CPS1: variants seen among roughly 807,000 people sequenced by gnomAD.
CPS1 encodes carbamoyl-phosphate synthase 1, also known as carbamoyl-phosphate synthase [ammonia], mitochondrial.
A neutral mutation model predicts 174.6 loss-of-function variants in CPS1; 109 were observed. That is an observed-to-expected ratio of 0.62 (90% CI 0.53 to 0.73). The LOEUF (loss-of-function observed/expected upper bound fraction) is 0.73, where lower values mean the gene tolerates loss of function less well. Ranked by LOEUF, CPS1 falls within the 30% of genes least tolerant of loss-of-function variation. The pLI, the probability that CPS1 is intolerant of heterozygous loss-of-function variation, is 0.00. For synonymous variants in CPS1, 637 were observed against 632.0 expected, an observed-to-expected ratio of 1.01 and a Z score of -0.12; for missense variants, 1,689 against 1,821.9, an observed-to-expected ratio of 0.93 and a Z score of 1.33.
rs6760497 is a variant in CPS1 at position 210,591,229 on chromosome 2, A to G, written c.947+323A>G. On this transcript the variant is annotated intron_variant, in intron 9 of 37. Transcript: ENST00000233072. ...TTCCCTTGGCATAAATTGAGGTTAT[A>G]ATACTCAATCAAATGATATTCCAAG... Among the ~76,000 whole-genome samples, 57,119 of 151,742 alleles carry G rather than the reference A, an allele frequency of 0.38. 11,807 individuals carry two copies. The highest frequency in any genetic ancestry group is 0.54 in the Middle Eastern group (159 of 294).
At chr2:210,591,069 TA>T (rs1303903774) in intron 9 of CPS1, among the ~76,000 whole-genome samples, 163 bp downstream of exon 9, 3 of 150,386 alleles carry the variant, frequency 2.0e-5, no homozygotes, top group African/African-American at 7.4e-5. Context: ...AATAAATAAA[TA>T]AAATAAAAAA....
chr2:210,590,285 C>A (rs13396451), intron 8 of CPS1, 51 bp downstream of exon 8: 1 of 1,610,446 alleles, frequency 6.2e-7, no homozygotes. Context: ...TGGGGGCTTC[C>A]GCTCTATACC....
At chr2:210,623,448 C>A (rs1699599936) in intron 21 of CPS1, among the ~76,000 whole-genome samples, 1 of 151,774 alleles carries the variant, frequency 6.6e-6, no homozygotes, top group Non-Finnish European at 1.5e-5. Context: ...TATCTTCACT[C>A]TAATAACTTT....
chr2:210,477,937 T>C (rs1181302761), intron 1 of CPS1, among the ~76,000 whole-genome samples: 3 of 152,248 alleles, frequency 2.0e-5, no homozygotes, highest in Admixed American at 2.0e-4. Flanking sequence ...ATATTACTGT[T>C]GTTAAGCAAG....
chr2:210,598,194 G>C (rs1485094923), intron 13 of CPS1, among the ~76,000 whole-genome samples: 1 of 151,698 alleles, frequency 6.6e-6, no homozygotes, highest in African/African-American at 2.4e-5. Context: ...CACCAGACTA[G>C]CCTTACAAAA....
rs1574651303 is a variant in CPS1 at position 210,658,112 on chromosome 2, C to G, written c.3667-487C>G. ...CTTCCCTGCAGGGAAACACTGTTTCCTTCTGAACATAATATCTAACCTTGT... is the reference window on the plus strand; with the variant it reads ...CTTCCCTGCAGGGAAACACTGTTTCGTTCTGAACATAATATCTAACCTTGT... On this transcript the variant is annotated intron_variant, in intron 30 of 37. Transcript: ENST00000233072. 1.7e-5 allele frequency: 3 copies of G among 175,380 alleles called. No homozygotes were observed. In the East Asian group the frequency reaches 4.2e-4, roughly 25 times the overall value. 10.9% of individuals were successfully genotyped at this position (175,380 alleles called of 1,614,324 possible). A position where few individuals can be genotyped will look rare whatever the true frequency, so the allele number is the denominator to read the frequency against.
chr2:210,572,868 A>G (rs2106072429), intron 1 of CPS1, among the ~76,000 whole-genome samples: 1 of 152,112 alleles, frequency 6.6e-6, no homozygotes, highest in East Asian at 1.9e-4. Context: ...TTCTGGCTCT[A>G]AATCTCAGAG....
chr2:210,662,797 C>T (rs576945371), intron 32 of CPS1, among the ~76,000 whole-genome samples: 1 of 152,302 alleles, frequency 6.6e-6, no homozygotes, highest in South Asian at 2.1e-4. Flanking sequence ...AGACCAATGC[C>T]CAGTGGACTT....
Position 210,616,511 on chromosome 2 carries a change from A to G in CPS1, c.2657A>G (p.Asn886Ser). The change falls in exon 21 of 38, where the codon AAC becomes AGC. Residue 886 changes from asparagine (N) to serine (S), a missense_variant. Physicochemically the swap from Asn to Ser is conservative, Grantham distance 46. Transcript: ENST00000233072. ...WFLYKMRDIL[N>S]MEKTLKGLNS... is the part of the protein sequence containing the mutation. The stretch of plus-strand genomic sequence containing the variant: ...TTGTATAAGATGCGTGATATTTTAA[A>G]CATGGAAAAGACACTGAAAGGCCTC... The G allele has an allele frequency of 6.2e-7, 1 of 1,611,254 alleles. No individual in the cohort carries two copies. The highest frequency in any genetic ancestry group is 1.1e-5 in the South Asian group (1 of 91,034).
chr2:210,669,381 A>G (rs1471419550), intron 34 of CPS1, among the ~76,000 whole-genome samples: 1 of 152,124 alleles, frequency 6.6e-6, no homozygotes, highest in Admixed American at 6.6e-5. Flanking sequence ...AAAAACAACA[A>G]ATGGTCTTAT....
intron 1 of CPS1, among the ~76,000 whole-genome samples, chr2:210,542,179 A>T (rs1355133266): frequency 6.6e-6 from 1 of 152,106 alleles, no homozygotes; most frequent in East Asian, 1.9e-4. Context: ...GGCAAAACTC[A>T]GACCTTTGGT....
Position 210,573,348 on chromosome 2 carries a change from C to T in CPS1, c.177C>T (p.Tyr59=), listed in dbSNP as rs1390730716. 8.1e-6 allele frequency: 13 copies of T among 1,613,256 alleles called. No individual in the cohort carries two copies. The highest frequency in any genetic ancestry group is 1.1e-5 in the Non-Finnish European group (13 of 1,179,330). The change falls in exon 2 of 38, where the codon TAC becomes TAT. Residue 59 remains tyrosine, a synonymous_variant. Transcript: ENST00000233072. Reference sequence around the variant, plus strand: ...AAGATGGAACTAAGATGAAAGGTTACTCCTTTGGCCATCCATCCTCTGTTG... The same window carrying T: ...AAGATGGAACTAAGATGAAAGGTTATTCCTTTGGCCATCCATCCTCTGTTG... ...VLEDGTKMKG[Y]SFGHPSSVAG...
chr2:210,626,419 C>T (rs1458758758), intron 21 of CPS1, among the ~76,000 whole-genome samples: 2 of 152,038 alleles, frequency 1.3e-5, no homozygotes, highest in African/African-American at 2.4e-5. Flanking sequence ...ACAAAATTCA[C>T]AAAATTATTA....
intron 1 of CPS1, among the ~76,000 whole-genome samples, chr2:210,517,239 C>T (rs1695705804): frequency 6.6e-6 from 1 of 151,878 alleles, no homozygotes; most frequent in Admixed American, 6.6e-5. Context: ...CTGTTCTCAG[C>T]AGTTAAACGT....
intron 21 of CPS1, among the ~76,000 whole-genome samples, chr2:210,634,221 G>A (rs973668509): frequency 3.3e-5 from 5 of 152,188 alleles, no homozygotes; most frequent in African/African-American, 9.6e-5. Context: ...ACAAGGTCAG[G>A]AGATCAAGAC....
chr2:210,578,403 C>T (rs868784311), intron 4 of CPS1, among the ~76,000 whole-genome samples: 1 of 152,116 alleles, frequency 6.6e-6, no homozygotes, highest in South Asian at 2.1e-4. Flanking sequence ...CATGAGCCAC[C>T]GCGCCCAGCC....
At chr2:210,590,970 C>T in intron 9 of CPS1, 64 bp downstream of exon 9, 1 of 1,213,862 alleles carries the variant, frequency 8.2e-7, no homozygotes, top group Non-Finnish European at 1.2e-6. Flanking sequence ...ATACAAAGAA[C>T]TCAGAGCACT....
intron 1 of CPS1, among the ~76,000 whole-genome samples, chr2:210,487,939 T>C (rs1232638001): frequency 6.6e-6 from 1 of 152,162 alleles, no homozygotes; most frequent in African/African-American, 2.4e-5. Context: ...GGCCACAAAA[T>C]CAGTTTTCTT....
At chr2:210,577,062 C>T in intron 3 of CPS1, 1 of 292,862 alleles carries the variant, frequency 3.4e-6, no homozygotes, top group Non-Finnish European at 6.5e-6. Context: ...CTCACAATTT[C>T]CCATCAATTT....
Sources: gnomAD v4.1 joint callset for allele counts (sites outside exome capture counted in the v4.1 genomes callset) on GRCh38, gnomAD v4.1.1 for gene constraint, MANE v1.5 for transcripts, NCBI Gene and HGNC (gene_info 2026-07-23, HGNC 2026-07-21) for gene names.